PPIL6: variants seen among roughly 807,000 people sequenced by gnomAD.
PPIL6 encodes the protein probable inactive peptidyl-prolyl cis-trans isomerase-like 6.
A neutral mutation model predicts 36.8 loss-of-function variants in PPIL6; 39 were observed. The ratio of observed to expected loss-of-function variants is 1.06; its 90% CI spans 0.82 to 1.38. PPIL6 has a LOEUF of 1.38. Ranked by LOEUF, PPIL6 falls within the 40% of genes most tolerant of loss-of-function variation. The pLI is 0.00. For synonymous variants in PPIL6, 123 were observed against 134.1 expected, an observed-to-expected ratio of 0.92 and a Z score of 0.57; for missense variants, 368 against 379.1, an observed-to-expected ratio of 0.97 and a Z score of 0.24.
intron 2 of PPIL6, among the ~76,000 whole-genome samples, chr6:109,434,379 G>T (rs1044521839): frequency 6.6e-6 from 1 of 152,110 alleles, no homozygotes; most frequent in African/African-American, 2.4e-5. Context: ...AAAATAGCGA[G>T]ACCCTGTTTC....
At position 109,413,197 on chromosome 6, in the gene PPIL6, T is replaced by C. The variant is rs1175123253; in HGVS notation, c.688+5990A>G. On this transcript the variant is annotated intron_variant, in intron 6 of 7. Transcript: ENST00000521072. The surrounding 1 kb of genome is among the most constrained non-coding windows in gnomAD (Gnocchi z 4.6). ...AACAAACAAAAACCCACAGAAAATA[T>C]TTGCAAACTACCCATCTGACGAGGG... 6.6e-6 allele frequency among the ~76,000 whole-genome samples: 1 copy of C among 151,762 alleles called. No homozygotes were observed. Among genetic ancestry groups the C allele is most frequent in the African/African-American group, 2.4e-5 (1 of 41,294 alleles).
chr6:109,399,002 G>A (rs990648205), intron 7 of PPIL6, among the ~76,000 whole-genome samples: 1 of 151,958 alleles, frequency 6.6e-6, no homozygotes, highest in Non-Finnish European at 1.5e-5. Flanking sequence ...GAGTGCAGTG[G>A]CACAATCATG....
At chr6:109,393,644 C>T (rs891520925) in intron 7 of PPIL6, among the ~76,000 whole-genome samples, 3 of 152,154 alleles carry the variant, frequency 2.0e-5, no homozygotes, top group Non-Finnish European at 4.4e-5. Context: ...CCAGGGCCTG[C>T]ACAGTCTATC....
intron 6 of PPIL6, among the ~76,000 whole-genome samples, chr6:109,400,913 G>A (rs960990689): frequency 4.6e-5 from 7 of 151,976 alleles, no homozygotes; most frequent in African/African-American, 1.5e-4. Context: ...AGGCTGGAGT[G>A]CAGTGGTGCG....
At chr6:109,402,904 G>C in intron 6 of PPIL6, 1 of 619,368 alleles carries the variant, frequency 1.6e-6, no homozygotes, top group Admixed American at 3.5e-5. Context: ...TGATGTGTAA[G>C]AAAGAACCGT....
chr6:109,437,510 G>GT (rs1246542551), intron 1 of PPIL6, among the ~76,000 whole-genome samples: 19 of 147,426 alleles, frequency 1.3e-4, no homozygotes, highest in African/African-American at 4.5e-4. Context: ...TCTGTGCTCA[G>GT]TTTGAGGCAA....
chr6:109,424,354 C>T (rs947637170), intron 5 of PPIL6, among the ~76,000 whole-genome samples: 9 of 151,936 alleles, frequency 5.9e-5, no homozygotes, highest in African/African-American at 1.9e-4. Flanking sequence ...TGTGTGCAAC[C>T]GAGTGTGTAA....
At chr6:109,438,850 G>A (rs1466331832) in intron 1 of PPIL6, among the ~76,000 whole-genome samples, 1 of 152,180 alleles carries the variant, frequency 6.6e-6, no homozygotes, top group Admixed American at 6.5e-5. Context: ...GCCTCCCAAA[G>A]TGCTGGGATT....
At chr6:109,429,261 C>A (rs1033862047) in intron 3 of PPIL6, among the ~76,000 whole-genome samples, 6 of 152,204 alleles carry the variant, frequency 3.9e-5, no homozygotes, top group Admixed American at 3.9e-4. Flanking sequence ...CTCCCAAGCT[C>A]TCCCCTACTC....
chr6:109,440,531 C>G lies in PPIL6; in HGVS notation c.60G>C (p.Pro20=). The G allele has an allele frequency of 1.3e-6, 2 of 1,490,162 alleles. No individual in the cohort carries two copies. Among genetic ancestry groups the G allele is most frequent in the South Asian group, 1.3e-5 (1 of 77,770 alleles). The allele number at this position is 1,490,162 out of a possible 1,614,324, so 92.3% of individuals were successfully genotyped here. ...CCACCTTCACCTGCAGCGGCCGCTCCGGCAGCGACGGCGAGCCGCACCTAG... is the reference window on the plus strand; with the variant it reads ...CCACCTTCACCTGCAGCGGCCGCTCGGGCAGCGACGGCGAGCCGCACCTAG... ...PHARCGSPSL[P]ERPLQVKVVG... Residue 20 remains proline, a synonymous_variant, in exon 1 of 8, where the codon CCG becomes CCC. Coordinates refer to ENST00000521072, the MANE Select transcript of PPIL6 (RefSeq NM_173672.5).
intron 5 of PPIL6, among the ~76,000 whole-genome samples, chr6:109,422,282 T>C (rs932884281): frequency 1.8e-4 from 28 of 152,198 alleles, no homozygotes; most frequent in African/African-American, 6.5e-4. Flanking sequence ...AGAGCCATGA[T>C]TGTGCCATTG....
intron 5 of PPIL6, among the ~76,000 whole-genome samples, chr6:109,420,332 C>CAAAAAAAAAA (rs564751735): frequency 5.9e-5 from 3 of 50,956 alleles, no homozygotes; most frequent in Non-Finnish European, 1.2e-4. Context: ...GACTCCATCT[C>CAAAAAAAAAA]AAAAAAAAAA....
intron 6 of PPIL6, among the ~76,000 whole-genome samples, chr6:109,401,975 G>A (rs1041129593): frequency 6.6e-6 from 1 of 151,976 alleles, no homozygotes; most frequent in East Asian, 1.9e-4. Context: ...TACCCGCCTC[G>A]GCCTCCCAAA....
At chr6:109,431,082 A>T (rs775793422) in intron 3 of PPIL6, 75 bp downstream of exon 3, 245 of 1,020,236 alleles carry the variant, frequency 2.4e-4, no homozygotes, top group Non-Finnish European at 3.2e-4. Context: ...TCATTAGGAC[A>T]TCAATAATTA....
At chr6:109,402,846 A>G (rs1772617570) in intron 6 of PPIL6, among the ~76,000 whole-genome samples, 1 of 152,070 alleles carries the variant, frequency 6.6e-6, no homozygotes, top group African/African-American at 2.4e-5. Context: ...CTCAGTGGTC[A>G]TGCCGTAACT....
At position 109,440,547 on chromosome 6, in the gene PPIL6, C is replaced by A; in HGVS notation, c.44G>T (p.Gly15Val). The A allele has an allele frequency of 6.7e-7, 1 of 1,487,012 alleles. No individual in the cohort carries two copies. Among genetic ancestry groups the A allele is most frequent in the Non-Finnish European group, 8.9e-7 (1 of 1,120,566 alleles). 92.1% of individuals were successfully genotyped at this position (1,487,012 alleles called of 1,614,324 possible). A position where few individuals can be genotyped will look rare whatever the true frequency, so the allele number is the denominator to read the frequency against. The change falls in exon 1 of 8, where the codon GGC (glycine) becomes GTC (valine). Residue 15 changes from glycine (G) to valine (V), a missense_variant. Transcript: ENST00000521072. Reference sequence around the variant, plus strand: ...CGGCCGCTCCGGCAGCGACGGCGAGCCGCACCTAGCGTGCGGGGGCCCGCA... The same window carrying A: ...CGGCCGCTCCGGCAGCGACGGCGAGACGCACCTAGCGTGCGGGGGCCCGCA... ...QPCGPPHARCGSPSLPERPLQ... is the reference protein window; with the variant it reads ...QPCGPPHARCVSPSLPERPLQ...
intron 3 of PPIL6, 132 bp downstream of exon 3, chr6:109,431,025 A>G: frequency 1.5e-6 from 1 of 662,792 alleles, no homozygotes; most frequent in South Asian, 2.6e-5. Context: ...GCAAATGGAA[A>G]TGGAACTAGG....
At position 109,392,749 on chromosome 6, in the gene PPIL6, G is replaced by A; in HGVS notation, c.*77C>T. 1.1e-6 allele frequency: 1 copy of A among 906,582 alleles called. No homozygotes were observed. The highest frequency in any genetic ancestry group is 2.5e-5 in the East Asian group (1 of 39,262). The allele number at this position is 906,582 out of a possible 1,614,324, so 56.2% of individuals were successfully genotyped here. Reference sequence around the variant, plus strand: ...CGGCTTTCAAATTACAATTTATCAAGTACTTTTTAATTAAATCCACAAACA... The same window carrying A: ...CGGCTTTCAAATTACAATTTATCAAATACTTTTTAATTAAATCCACAAACA... On this transcript the variant is annotated 3_prime_UTR_variant, in exon 8 of 8. Transcript: ENST00000521072.
intron 6 of PPIL6, among the ~76,000 whole-genome samples, chr6:109,416,247 G>C (rs140967576): frequency 1.4e-5 from 2 of 141,254 alleles, no homozygotes; most frequent in Non-Finnish European, 3.0e-5. Flanking sequence ...CTGTCTCCTA[G>C]GCTGGAGTGC....
Sources: allele counts gnomAD v4.1 joint callset (sites outside exome capture counted in the v4.1 genomes callset), GRCh38; gene constraint gnomAD v4.1.1; non-coding constraint Gnocchi (gnomAD v3.1); transcripts MANE v1.5; gene names NCBI Gene and HGNC (gene_info 2026-07-23, HGNC 2026-07-21).